HMGCLL1: variants seen among roughly 807,000 people sequenced by gnomAD.
HMGCLL1 encodes the protein 3-hydroxymethyl-3-methylglutaryl-CoA lyase, cytoplasmic.
Under a neutral mutation model 39.1 loss-of-function variants are expected in HMGCLL1, and 36 were observed. The ratio of observed to expected loss-of-function variants is 0.92; its 90% CI spans 0.71 to 1.22. The LOEUF is 1.22. HMGCLL1 is among the 50% of genes most tolerant of loss of function. The pLI, the probability that HMGCLL1 is intolerant of heterozygous loss-of-function variation, is 0.00. For missense variants in HMGCLL1, 451 were observed against 416.5 expected (o/e 1.08, Z -0.72); for synonymous variants, 149 against 144.0 (o/e 1.03, Z -0.25).
intron 1 of HMGCLL1, among the ~76,000 whole-genome samples, chr6:55,552,128 A>G (rs1230057786): frequency 6.6e-6 from 1 of 151,994 alleles, no homozygotes; most frequent in Non-Finnish European, 1.5e-5. Context: ...TCCAAAAACA[A>G]ACAAACACAC....
chr6:55,500,963 A>C (rs1766850363), intron 5 of HMGCLL1, among the ~76,000 whole-genome samples: 1 of 151,948 alleles, frequency 6.6e-6, no homozygotes, highest in Non-Finnish European at 1.5e-5. Flanking sequence ...TAAATGCAAA[A>C]CAAAACAAAC....
intron 1 of HMGCLL1, among the ~76,000 whole-genome samples, chr6:55,549,786 T>C (rs1175299448): frequency 6.6e-6 from 1 of 151,948 alleles, no homozygotes. Flanking sequence ...TGTTATGCCA[T>C]ATTGATTATA....
chr6:55,512,331 G>A (rs1055697104), intron 5 of HMGCLL1: 1 of 151,984 alleles, frequency 6.6e-6, no homozygotes, highest in African/African-American at 2.4e-5. Context: ...GTAGAATAGG[G>A]TCTTCATCTT....
At chr6:55,524,472 A>AAAACC (rs1554150842) in intron 3 of HMGCLL1, among the ~76,000 whole-genome samples, 1 of 150,786 alleles carries the variant, frequency 6.6e-6, no homozygotes, top group Non-Finnish European at 1.5e-5. Flanking sequence ...TTAAAAAAAA[A>AAAACC]AAAAAAACGG....
the HMGCLL1 span, among the ~76,000 whole-genome samples, chr6:55,672,386 T>C: frequency 6.6e-6 from 1 of 151,850 alleles, no homozygotes; most frequent in Non-Finnish European, 1.5e-5. Context: ...ATTCTCTTAG[T>C]TTAAAGAATA....
At chr6:55,674,433 A>G in the HMGCLL1 span, among the ~76,000 whole-genome samples, 1 of 152,098 alleles carries the variant, frequency 6.6e-6, no homozygotes, top group Admixed American at 6.6e-5. Flanking sequence ...AAAATGTTCA[A>G]TTTAATTTAG....
At chr6:55,491,225 A>G (rs1035834253) in intron 7 of HMGCLL1, among the ~76,000 whole-genome samples, 12 of 152,208 alleles carry the variant, frequency 7.9e-5, no homozygotes, top group Middle Eastern at 3.2e-3. Context: ...AATTATATGA[A>G]GAAAGATTTG....
At chr6:55,456,293 C>A (rs1471366017) in intron 7 of HMGCLL1, among the ~76,000 whole-genome samples, 2 of 152,186 alleles carry the variant, frequency 1.3e-5, no homozygotes, top group Non-Finnish European at 2.9e-5. Context: ...ATATTTTATG[C>A]TTCTGTTTTA....
At chr6:55,629,404 C>T in the HMGCLL1 span, among the ~76,000 whole-genome samples, 2 of 152,104 alleles carry the variant, frequency 1.3e-5, no homozygotes, top group South Asian at 4.1e-4. Context: ...GACCTGGGTG[C>T]TGTTAAAGGC....
At chr6:55,674,989 T>A in the HMGCLL1 span, among the ~76,000 whole-genome samples, 2 of 152,064 alleles carry the variant, frequency 1.3e-5, no homozygotes, top group Non-Finnish European at 2.9e-5. Flanking sequence ...TTTAAACAAT[T>A]TCATAAAAGA....
At chr6:55,512,694 T>C (rs1042308868) in intron 5 of HMGCLL1, 1 of 152,030 alleles carries the variant, frequency 6.6e-6, no homozygotes, top group African/African-American at 2.4e-5. Flanking sequence ...TTCCAATCAT[T>C]TCACTAATAT....
chr6:55,646,201 C>G, the HMGCLL1 span, among the ~76,000 whole-genome samples: 1 of 151,852 alleles, frequency 6.6e-6, no homozygotes, highest in African/African-American at 2.4e-5. Flanking sequence ...ACAGTAGCCA[C>G]TAATGATCTT....
intron 1 of HMGCLL1, among the ~76,000 whole-genome samples, chr6:55,554,497 T>C (rs946960461): frequency 4.6e-5 from 7 of 152,144 alleles, no homozygotes; most frequent in African/African-American, 1.4e-4. Flanking sequence ...CAGTTATTCA[T>C]TTAGCCATCA....
At chr6:55,642,688 A>G in the HMGCLL1 span, among the ~76,000 whole-genome samples, 4 of 152,026 alleles carry the variant, frequency 2.6e-5, no homozygotes, top group African/African-American at 9.7e-5. Flanking sequence ...TTGTAGAGGT[A>G]AACTTGTGTC....
intron 1 of HMGCLL1, among the ~76,000 whole-genome samples, chr6:55,551,243 T>C (rs1581937822): frequency 6.6e-6 from 1 of 151,886 alleles, no homozygotes; most frequent in African/African-American, 2.4e-5. Flanking sequence ...AAGGTTCAAT[T>C]TGACAATGAC....
chr6:55,476,390 A>G (rs4615380), intron 7 of HMGCLL1, among the ~76,000 whole-genome samples: 150,686 of 151,644 alleles, frequency 0.99, 74,878 homozygotes, highest in Non-Finnish European at 1. Flanking sequence ...TAACAGTACC[A>G]GTAATTTTTA....
the HMGCLL1 span, among the ~76,000 whole-genome samples, chr6:55,631,636 A>G: frequency 6.6e-6 from 1 of 152,076 alleles, no homozygotes; most frequent in Non-Finnish European, 1.5e-5. Context: ...TTCTAGAACA[A>G]TTGTCTTAGA....
intron 1 of HMGCLL1, among the ~76,000 whole-genome samples, chr6:55,543,784 G>A (rs949723633): frequency 2.6e-5 from 4 of 151,558 alleles, no homozygotes; most frequent in African/African-American, 4.9e-5. Context: ...GAGGTGGGAA[G>A]ATTGCTTGAG....
At chr6:55,674,974 T>A in the HMGCLL1 span, among the ~76,000 whole-genome samples, 1 of 152,098 alleles carries the variant, frequency 6.6e-6, no homozygotes, top group Non-Finnish European at 1.5e-5. Flanking sequence ...TGTTTGAAAA[T>A]ATTATTTAAA....
Sources: gnomAD v4.1 joint callset for allele counts (sites outside exome capture counted in the v4.1 genomes callset) on GRCh38, gnomAD v4.1.1 for gene constraint, MANE v1.5 for transcripts, NCBI Gene and HGNC (gene_info 2026-07-23, HGNC 2026-07-21) for gene names.